The following LVRN variants were observed in gnomAD, a reference collection of about 807,000 sequenced individuals.
The protein encoded by LVRN is aminopeptidase Q.
LVRN carries 99 observed loss-of-function variants against 111.4 expected under a neutral mutation model. The ratio of observed to expected loss-of-function variants is 0.89; its 90% confidence interval spans 0.76 to 1.05. The LOEUF is 1.05. Among genes scored for constraint, LVRN ranks in the 50% least tolerant of loss-of-function variants. The pLI is 0.00. For missense variants in LVRN, 1,414 were observed against 1,206.8 expected, an observed-to-expected ratio of 1.17 and a Z score of -2.54; for synonymous variants, 488 against 449.5, an observed-to-expected ratio of 1.09 and a Z score of -1.08.
At chr5:116,011,600 A>G (rs6881729) in intron 14 of LVRN, among the ~76,000 whole-genome samples, 106,818 of 151,942 alleles carry the variant, frequency 0.7, 37,866 homozygotes, top group East Asian at 0.96. Flanking sequence ...TGGACCATTC[A>G]GAGGGTGAGA....
In LVRN at chr5:116,015,768, A is replaced by T. The variant is rs746876917; in HGVS notation, c.2756+3A>T. ...AACTGGCAAGCTGTGAGTAAAAGGTAAGAAGGAAAGTGAGACCTTTCTTTC... is the reference window on the plus strand; with the variant it reads ...AACTGGCAAGCTGTGAGTAAAAGGTTAGAAGGAAAGTGAGACCTTTCTTTC... On this transcript the variant is annotated splice_donor_region_variant and intron_variant, in intron 18 of 19. Coordinates refer to ENST00000357872, the MANE Select transcript of LVRN (RefSeq NM_173800.5). 4 of 1,612,774 alleles carry T rather than the reference A, an allele frequency of 2.5e-6. No homozygotes were observed. The highest frequency in any genetic ancestry group is 3.4e-6 in the Non-Finnish European group (4 of 1,179,334).
Position 115,963,113 on chromosome 5 carries a change from A to G in LVRN, c.496A>G (p.Thr166Ala), listed in dbSNP as rs753412962. The change falls in exon 1 of 20, where the codon ACT (threonine) becomes GCT (alanine). Residue 166 changes from threonine (T) to alanine (A), a missense_variant. By Grantham distance (58) the Thr-to-Ala change is moderately conservative. Coordinates refer to ENST00000357872, the MANE Select transcript of LVRN (RefSeq NM_173800.5). ...AEVRGPLSPG[T>A]GNATVGRVPV... ...GGTGCGGGGACCCCTTTCCCCGGGC[A>G]CTGGGAACGCCACAGTGGGCCGCGT... 6.2e-7 allele frequency: 1 copy of G among 1,613,536 alleles called. No homozygotes were observed. The highest frequency in any genetic ancestry group is 8.5e-7 in the Non-Finnish European group (1 of 1,179,932).
chr5:115,973,149 C>A (rs981193926), intron 1 of LVRN, among the ~76,000 whole-genome samples: 2 of 152,140 alleles, frequency 1.3e-5, no homozygotes, highest in Non-Finnish European at 2.9e-5. Context: ...AGGCTGGTCT[C>A]AAACTCCTGA....
intron 13 of LVRN, chr5:116,010,372 T>C (rs2112623343): frequency 5.9e-6 from 2 of 341,706 alleles, no homozygotes; most frequent in East Asian, 7.7e-5. Flanking sequence ...TGCACATCAG[T>C]AGCTGTCAGA....
intron 13 of LVRN, among the ~76,000 whole-genome samples, chr5:116,007,300 T>G (rs73783049): frequency 0.01 from 1,525 of 152,314 alleles, 26 homozygotes; most frequent in African/African-American, 0.035. Flanking sequence ...CTTCACAGGT[T>G]TGAGCCAACT....
chr5:115,984,557 T>C lies in LVRN; in HGVS notation c.839-13T>C. On this transcript the variant is annotated splice_polypyrimidine_tract_variant and intron_variant, in intron 2 of 19. Transcript: ENST00000357872. ...AGATTTGCTGTGATTTGAACTAAAA[T>C]AAAATTCTCTAGGTCAGTCTGAAAA... The C allele has an allele frequency of 6.2e-7, 1 of 1,612,002 alleles. No individual in the cohort carries two copies. The highest frequency in any genetic ancestry group is 8.5e-7 in the Non-Finnish European group (1 of 1,179,122).
At chr5:115,970,915 T>C (rs1338112195) in intron 1 of LVRN, among the ~76,000 whole-genome samples, 1 of 152,200 alleles carries the variant, frequency 6.6e-6, no homozygotes, top group African/African-American at 2.4e-5. Context: ...ATATGAATAT[T>C]TAGTTTTTTA....
intron 1 of LVRN, among the ~76,000 whole-genome samples, chr5:115,982,828 GT>G (rs1747739219): frequency 1.3e-5 from 2 of 151,930 alleles, no homozygotes; most frequent in Non-Finnish European, 2.9e-5. Flanking sequence ...CTTTTTGTAA[GT>G]TTTTAGCTAG....
chr5:115,992,681 C>G (rs1748022890), intron 5 of LVRN, among the ~76,000 whole-genome samples: 1 of 152,134 alleles, frequency 6.6e-6, no homozygotes, highest in Non-Finnish European at 1.5e-5. Context: ...GTTGTTGTTG[C>G]TGTTGTTGGA....
chr5:116,010,489 C>A, intron 13 of LVRN: 1 of 538,602 alleles, frequency 1.9e-6, no homozygotes, highest in Non-Finnish European at 3.6e-6. Context: ...ATAATCAGTC[C>A]AACATTTGGC....
At chr5:116,010,991 A>T in intron 14 of LVRN, 97 bp downstream of exon 14, 1 of 976,006 alleles carries the variant, frequency 1.0e-6, no homozygotes, top group Non-Finnish European at 1.4e-6. Flanking sequence ...TTCCAAAGTA[A>T]TAGTCTTAGT....
chr5:116,005,992 G>T, intron 13 of LVRN, 25 bp downstream of exon 13: 2 of 1,552,374 alleles, frequency 1.3e-6, no homozygotes, highest in East Asian at 2.2e-5. Flanking sequence ...TTCTCTCATG[G>T]TTTCAGAATA....
intron 13 of LVRN, 143 bp downstream of exon 13, chr5:116,006,110 T>A (rs1319633328): frequency 3.3e-6 from 2 of 608,264 alleles, no homozygotes; most frequent in South Asian, 2.7e-5. Flanking sequence ...GTAGCTGCAA[T>A]GGAATTTTAT....
chr5:116,012,030 T>A (rs1748501229), intron 14 of LVRN, among the ~76,000 whole-genome samples: 1 of 152,148 alleles, frequency 6.6e-6, no homozygotes, highest in Non-Finnish European at 1.5e-5. Context: ...ATTTTGAACA[T>A]AACTGGAAAT....
chr5:115,963,666 C>G (rs1753141223), intron 1 of LVRN, among the ~76,000 whole-genome samples: 1 of 152,114 alleles, frequency 6.6e-6, no homozygotes, highest in Admixed American at 6.5e-5. Flanking sequence ...AATGAGAACA[C>G]TTGGACACAG....
In LVRN at chr5:116,001,176, GCGTCATGAAACAGGAGCCATTTTAT is replaced by G. The variant is rs1748230338; in HGVS notation, c.1759_1783del (p.Val587LeufsTer10). 3.7e-6 allele frequency: 6 copies of G among 1,614,028 alleles called. No homozygotes were observed. The highest frequency in any genetic ancestry group is 5.1e-6 in the Non-Finnish European group (6 of 1,179,988). Reference sequence around the variant, plus strand: ...GTGATCACTTTAAATGTGTCTACTGGCGTCATGAAACAGGAGCCATTTTATCTTGAAAACATTAAAAATCGGACTC... The same window carrying G: ...GTGATCACTTTAAATGTGTCTACTGGCTTGAAAACATTAAAAATCGGACTC... On this transcript the variant is annotated frameshift_variant, in exon 10 of 20. Transcript: ENST00000357872. LOFTEE classifies it high-confidence loss of function.
At chr5:116,020,485 G>T (rs1748704179) in intron 18 of LVRN, among the ~76,000 whole-genome samples, 1 of 152,168 alleles carries the variant, frequency 6.6e-6, no homozygotes, top group African/African-American at 2.4e-5. Context: ...TGTCCAAAAT[G>T]AATCTTACCC....
chr5:116,025,903 C>A, intron 19 of LVRN, 75 bp from the exon 20 acceptor site: 5 of 1,570,262 alleles, frequency 3.2e-6, no homozygotes, highest in Non-Finnish European at 4.3e-6. Flanking sequence ...CATGTTGCTA[C>A]TTAGCATTTA....
intron 12 of LVRN, 72 bp downstream of exon 12, chr5:116,003,452 A>C: frequency 9.6e-7 from 1 of 1,036,700 alleles, no homozygotes; most frequent in Non-Finnish European, 1.3e-6. Flanking sequence ...GAAGTTGAAC[A>C]TTCTGGTGGG....
Sources: allele counts gnomAD v4.1 joint callset (sites outside exome capture counted in the v4.1 genomes callset), GRCh38; gene constraint gnomAD v4.1.1; transcripts MANE v1.5; gene names NCBI Gene and HGNC (gene_info 2026-07-23, HGNC 2026-07-21).